Variants in DOCK1 observed in about 807,000 individuals in gnomAD.
DOCK1 encodes dedicator of cytokinesis protein 1.
In DOCK1, 138 loss-of-function variants were observed where a neutral mutation model predicts 262.7. The observed-to-expected ratio is 0.53, with a 90% confidence interval of 0.46 to 0.61. The LOEUF is 0.61. Ranked by LOEUF, DOCK1 falls within the 20% of genes least tolerant of loss-of-function variation. The pLI is 0.00. For synonymous variants in DOCK1, 866 were observed against 867.4 expected (o/e 1.00, Z 0.03); for missense variants, 1,908 against 2,370.7 (o/e 0.80, Z 4.05).
chr10:126,973,763 T>C (rs558864092), intron 2 of DOCK1, among the ~76,000 whole-genome samples: 5 of 152,212 alleles, frequency 3.3e-5, no homozygotes, highest in Non-Finnish European at 7.3e-5. Flanking sequence ...TGTTTTCCAA[T>C]ATCTTCCTCT....
At chr10:127,336,394 GTTGT>G (rs149025269) in intron 29 of DOCK1, among the ~76,000 whole-genome samples, 3,218 of 152,004 alleles carry the variant, frequency 0.021, 102 homozygotes, top group African/African-American at 0.073. Context: ...GAATTTCCAC[GTTGT>G]TTTTGTCCCG....
At chr10:127,130,065 CTTTTTTTTTTTTTTTTTTTTT>C (rs74721427) in intron 27 of DOCK1, among the ~76,000 whole-genome samples, 3 of 117,546 alleles carry the variant, frequency 2.6e-5, no homozygotes, top group Admixed American at 8.6e-5. Context: ...TTAGGGTCTT[CTTTTTTTTTTTTTTTTTTTTT>C]TTTTTTTTTT....
chr10:127,339,163 T>C (rs992742593), intron 30 of DOCK1, 79 bp downstream of exon 30: 1 of 1,271,654 alleles, frequency 7.9e-7, no homozygotes. Context: ...TATCTTACAG[T>C]ATTTCTAATC....
intron 28 of DOCK1, among the ~76,000 whole-genome samples, chr10:127,255,029 A>G (rs2059782621): frequency 6.6e-6 from 1 of 152,198 alleles, no homozygotes; most frequent in Admixed American, 6.5e-5. Context: ...GTATGACACG[A>G]TTTTGCCTCT....
intron 44 of DOCK1, among the ~76,000 whole-genome samples, chr10:127,417,819 G>A (rs1052618627): frequency 5.9e-5 from 9 of 151,980 alleles, no homozygotes; most frequent in African/African-American, 1.9e-4. Context: ...CAGGTGACCC[G>A]CCCACCTCAG....
chr10:127,037,593 C>A, intron 18 of DOCK1, 126 bp from the exon 19 acceptor site: 1 of 719,936 alleles, frequency 1.4e-6, no homozygotes, highest in Non-Finnish European at 2.2e-6. Flanking sequence ...GCAGGTGAAT[C>A]TTTTAAAATA....
intron 27 of DOCK1, among the ~76,000 whole-genome samples, chr10:127,139,836 C>T (rs2051052692): frequency 6.6e-6 from 1 of 152,136 alleles, no homozygotes; most frequent in African/African-American, 2.4e-5. Context: ...CATGAACGAG[C>T]CTCCTAAACT....
intron 27 of DOCK1, among the ~76,000 whole-genome samples, chr10:127,200,957 A>G (rs1055404413): frequency 1.3e-5 from 2 of 152,208 alleles, no homozygotes; most frequent in Non-Finnish European, 2.9e-5. Flanking sequence ...AAAGAGACTC[A>G]TAGATGAGCC....
Position 127,444,164 on chromosome 10 carries a change from G to A in DOCK1, c.5298G>A (p.Val1766=). 1 of 1,590,222 alleles carries A rather than the reference G, an allele frequency of 6.3e-7. No homozygotes were observed. Among genetic ancestry groups the A allele is most frequent in the Non-Finnish European group, 8.6e-7 (1 of 1,169,210 alleles). The change falls in exon 50 of 52, where the codon GTG becomes GTA. Residue 1766 remains valine (V), a synonymous_variant. Coordinates refer to ENST00000623213, the MANE Select transcript of DOCK1 (RefSeq NM_001290223.2). ...GGCCCCAGAGACCGAAGAGCCAGGT[G>A]ATGAACGTCATTGGAAGCGAAAGGC... ...PLRPQRPKSQ[V]MNVIGSERRF... is the part of the protein sequence containing the mutation.
chr10:126,921,217 AAAG>A (rs2033160747), intron 1 of DOCK1, among the ~76,000 whole-genome samples: 1 of 151,196 alleles, frequency 6.6e-6, no homozygotes, highest in South Asian at 2.1e-4. Context: ...AAAAAAAAAA[AAAG>A]TTCAAACAAG....
intron 27 of DOCK1, among the ~76,000 whole-genome samples, chr10:127,188,143 A>G (rs541714332): frequency 1.3e-4 from 20 of 152,248 alleles, no homozygotes; most frequent in African/African-American, 4.8e-4. Flanking sequence ...AGGTGTTGGG[A>G]TGATCACCAG....
intron 33 of DOCK1, among the ~76,000 whole-genome samples, chr10:127,369,447 A>G (rs1435865443): frequency 6.6e-6 from 1 of 152,226 alleles, no homozygotes; most frequent in Non-Finnish European, 1.5e-5. Context: ...ATTGAATTTC[A>G]TTCTTAAAAG....
intron 3 of DOCK1, among the ~76,000 whole-genome samples, chr10:126,979,526 C>T (rs962060321): frequency 6.6e-6 from 1 of 152,278 alleles, no homozygotes; most frequent in East Asian, 1.9e-4. Flanking sequence ...CCCAGGCAAG[C>T]TGTTCCTTTT....
chr10:127,267,836 T>C (rs911024392), intron 29 of DOCK1, among the ~76,000 whole-genome samples: 5 of 152,238 alleles, frequency 3.3e-5, no homozygotes, highest in African/African-American at 7.2e-5. Flanking sequence ...CCTGTGCTAC[T>C]GGGACTTGGA....
intron 29 of DOCK1, among the ~76,000 whole-genome samples, chr10:127,268,507 A>AAAAAC (rs2060450029): frequency 6.6e-6 from 1 of 150,696 alleles, no homozygotes; most frequent in Non-Finnish European, 1.5e-5. Context: ...CCACCTCAAA[A>AAAAAC]AAAAAAAAAA....
At chr10:127,219,048 C>G (rs2058324813) in intron 27 of DOCK1, among the ~76,000 whole-genome samples, 1 of 152,198 alleles carries the variant, frequency 6.6e-6, no homozygotes, top group African/African-American at 2.4e-5. Flanking sequence ...CACACTGGCA[C>G]TGGCAATTTT....
intron 29 of DOCK1, 64 bp downstream of exon 29, chr10:127,257,493 G>T: frequency 6.9e-7 from 1 of 1,446,916 alleles, no homozygotes; most frequent in Admixed American, 2.0e-5. Context: ...GCTGGGAACA[G>T]TGGTGTTGCC....
intron 1 of DOCK1, among the ~76,000 whole-genome samples, chr10:126,963,829 G>T (rs2037466700): frequency 6.6e-6 from 1 of 152,110 alleles, no homozygotes; most frequent in Admixed American, 6.5e-5. Flanking sequence ...TACAGTAAGT[G>T]CTACCATTCA....
Position 127,364,131 on chromosome 10 carries a change from G to A in DOCK1, c.3432+1919G>A, listed in dbSNP as rs570307341. The stretch of plus-strand genomic sequence containing the variant: ...CCTGCAGGGTGAGCCCCCAGTGTCT[G>A]CAGGACCATGGGGCCCAACGCTGCA... On this transcript the variant is annotated intron_variant, in intron 33 of 51. Transcript: ENST00000623213. Among the ~76,000 whole-genome samples the A allele has an allele frequency of 1.9e-3, 289 of 152,302 alleles. 1 individual carries two copies. The highest frequency in any genetic ancestry group is 6.6e-3 in the African/African-American group (274 of 41,574).
Sources: allele counts gnomAD v4.1 joint callset (sites outside exome capture counted in the v4.1 genomes callset), GRCh38; gene constraint gnomAD v4.1.1; transcripts MANE v1.5; gene names NCBI Gene and HGNC (gene_info 2026-07-23, HGNC 2026-07-21).